The following NACC2 variants were observed in gnomAD, a reference collection of about 807,000 sequenced individuals.
NACC2 encodes the protein NACC family member 2.
Under a neutral mutation model 25.1 loss-of-function variants are expected in NACC2, and 8 were observed. The ratio of observed to expected loss-of-function variants is 0.32; its 90% CI spans 0.19 to 0.57. The LOEUF (loss-of-function observed/expected upper bound fraction) is 0.57, where lower values mean the gene tolerates loss of function less well. Ranked by LOEUF, NACC2 falls within the 20% of genes least tolerant of loss-of-function variation. NACC2 has a pLI of 0.89. For missense variants in NACC2, 644 were observed against 650.2 expected (o/e 0.99, Z 0.10); for synonymous variants, 435 against 294.7 (o/e 1.48, Z -4.88).
Position 136,050,692 on chromosome 9 carries a change from C to T in NACC2, c.-59-112G>A, listed in dbSNP as rs879360575. 4,881 of 628,182 alleles carry T rather than the reference C, an allele frequency of 7.8e-3. 39 individuals carry two copies. Among genetic ancestry groups the T allele is most frequent in the Non-Finnish European group, 0.011 (3,688 of 349,428 alleles). 38.9% of individuals were successfully genotyped at this position (628,182 alleles called of 1,614,324 possible). A position where few individuals can be genotyped will look rare whatever the true frequency, so the allele number is the denominator to read the frequency against. On this transcript the variant is annotated intron_variant, in intron 1 of 5. Transcript: ENST00000277554. ...CGGGGGCTTACAAAGAGCGAGCCTT[C>T]CGCACGCGCCCTCCCCCGCCCCTCC...
chr9:136,033,240 A>G (rs1840499332), intron 2 of NACC2, among the ~76,000 whole-genome samples: 1 of 152,228 alleles, frequency 6.6e-6, no homozygotes, highest in South Asian at 2.1e-4. Context: ...CTCAGAGTAA[A>G]TCAGTGAGTT....
At chr9:136,023,197 G>A (rs923982715) in intron 2 of NACC2, among the ~76,000 whole-genome samples, 2 of 149,858 alleles carry the variant, frequency 1.3e-5, no homozygotes, top group African/African-American at 2.5e-5. Flanking sequence ...AAAGGGGCTC[G>A]CTGGTCTCTC....
intron 1 of NACC2, among the ~76,000 whole-genome samples, chr9:136,051,310 C>T (rs1325110174): frequency 6.6e-6 from 1 of 152,198 alleles, no homozygotes; most frequent in East Asian, 1.9e-4. Context: ...CCCAAGCCGC[C>T]GCCAGGGCAG....
chr9:136,064,645 G>A (rs563190853), intron 1 of NACC2, among the ~76,000 whole-genome samples: 18 of 152,214 alleles, frequency 1.2e-4, no homozygotes, highest in Admixed American at 7.2e-4. Context: ...AATATGTCCC[G>A]AATTTATCTA....
rs376979711 is a variant in NACC2 at position 136,016,382 on chromosome 9, G to A, written c.934C>T (p.Leu312Phe). The A allele has an allele frequency of 1.2e-6, 2 of 1,611,556 alleles. No individual in the cohort carries two copies. The highest frequency in any genetic ancestry group is 1.3e-5 in the African/African-American group (1 of 74,994). The change falls in exon 3 of 6, where the codon CTC becomes TTC. Residue 312 changes from leucine (L) to phenylalanine (F), a missense_variant. Physicochemically the swap from Leu to Phe is conservative, Grantham distance 22. Transcript: ENST00000277554. ...AGGGCCACGAGGTCGCGGCGGATGA[G>A]GACGCAGGAGCGGCTCTCCAGCGGC... is the stretch of plus-strand genomic sequence containing the variant. ...PVPLESRSCV[L>F]IRRDLVALPA...
rs1004182743 is a variant in NACC2 at position 136,029,918 on chromosome 9, G to A, written c.887-13489C>T. Among the ~76,000 whole-genome samples the A allele has an allele frequency of 1.2e-4, 18 of 152,280 alleles. No individual in the cohort carries two copies. The East Asian group carries it at 2.9e-3, about 25-fold the overall frequency. ...CAAACCTGGCACAGCCTGCTGGGCC[G>A]AACGGGTGGAATGAGCCCAGCAGGC... On this transcript the variant is annotated intron_variant, in intron 2 of 5. Transcript: ENST00000277554.
intron 1 of NACC2, among the ~76,000 whole-genome samples, chr9:136,080,733 C>T (rs1179604459): frequency 3.3e-5 from 5 of 152,190 alleles, no homozygotes; most frequent in Non-Finnish European, 7.4e-5. Flanking sequence ...CTCCTCCTCT[C>T]CAGACACGTG....
At chr9:136,083,416 C>A (rs553261245) in intron 1 of NACC2, among the ~76,000 whole-genome samples, 5 of 152,174 alleles carry the variant, frequency 3.3e-5, no homozygotes, top group Non-Finnish European at 7.4e-5. Context: ...TTGGCCTTCA[C>A]CCCTGTACTA....
intron 2 of NACC2, among the ~76,000 whole-genome samples, chr9:136,036,480 TAC>T (rs1247562464): frequency 2.6e-5 from 4 of 152,104 alleles, no homozygotes; most frequent in African/African-American, 9.7e-5. Context: ...TATATATACA[TAC>T]ACACACACAT....
chr9:136,071,298 A>G (rs182011867), intron 1 of NACC2, among the ~76,000 whole-genome samples: 1 of 151,884 alleles, frequency 6.6e-6, no homozygotes, highest in East Asian at 1.9e-4. Flanking sequence ...TAATCCCAGC[A>G]CTTTGGGAGG....
chr9:136,072,391 C>A (rs1830202298), intron 1 of NACC2, among the ~76,000 whole-genome samples: 1 of 151,948 alleles, frequency 6.6e-6, no homozygotes. Flanking sequence ...AATGAAAATA[C>A]AAAATTAGCC....
Position 136,010,984 on chromosome 9 carries a change from C to G in NACC2, c.*532G>C, listed in dbSNP as rs1840096899. The G allele has an allele frequency of 6.6e-6, 1 of 152,622 alleles. No homozygotes were observed. 9.5% of individuals were successfully genotyped at this position (152,622 alleles called of 1,614,324 possible). ...CACACACCCCACACAGGTGGAAGGC[C>G]CGGTGGGCCTGGCCCCGAGTCTCCG... On this transcript the variant is annotated 3_prime_UTR_variant, in exon 6 of 6. Transcript: ENST00000277554. The surrounding 1 kb of genome is among the most constrained non-coding windows in gnomAD (Gnocchi z 4.9).
chr9:136,064,958 G>T (rs1841062777), intron 1 of NACC2, among the ~76,000 whole-genome samples: 1 of 152,218 alleles, frequency 6.6e-6, no homozygotes, highest in African/African-American at 2.4e-5. Context: ...AATGGGGAAA[G>T]AACAGTCTTT....
chr9:136,022,536 C>T lies in NACC2; in HGVS notation c.887-6107G>A, dbSNP rs58509588. 0.045 allele frequency among the ~76,000 whole-genome samples: 6,885 copies of T among 152,272 alleles called. 337 individuals carry two copies. Among genetic ancestry groups the T allele is most frequent in the African/African-American group, 0.12 (4,923 of 41,522 alleles). On this transcript the variant is annotated intron_variant, in intron 2 of 5. Coordinates refer to ENST00000277554, the MANE Select transcript of NACC2 (RefSeq NM_144653.5). The surrounding 1 kb of genome is among the most constrained non-coding windows in gnomAD (Gnocchi z 4.4). ...GGGAGACCTGCCTTCCCTGCTGTTG[C>T]CCCTTCCACCCAGCTTTGGGGGTGG...
At chr9:136,063,026 A>C (rs1038544284) in intron 1 of NACC2, among the ~76,000 whole-genome samples, 3 of 152,194 alleles carry the variant, frequency 2.0e-5, no homozygotes, top group African/African-American at 4.8e-5. Context: ...CCAAGAGAAG[A>C]AGCCCGACTT....
intron 2 of NACC2, 102 bp downstream of exon 2, chr9:136,049,533 TG>T (rs1429661233): frequency 1.6e-6 from 1 of 630,738 alleles, no homozygotes; most frequent in African/African-American, 1.8e-5. Context: ...GGCTCCCCTG[TG>T]GCCCCGCAGG....
At position 136,084,253 on chromosome 9, in the gene NACC2, G is replaced by C. The variant is rs1293233127; in HGVS notation, c.-60+10936C>G. Among the ~76,000 whole-genome samples, 1 of 152,036 alleles carries C rather than the reference G, an allele frequency of 6.6e-6. No homozygotes were observed. The highest frequency in any genetic ancestry group is 2.4e-5 in the African/African-American group (1 of 41,386). ...GTCAAAGACCTCCACACCCAGACCT[G>C]GTCCTGGGTAGCCAACCCCTCCCCT... On this transcript the variant is annotated intron_variant, in intron 1 of 5. Coordinates refer to ENST00000277554, the MANE Select transcript of NACC2 (RefSeq NM_144653.5). The surrounding 1 kb of genome is among the most constrained non-coding windows in gnomAD (Gnocchi z 5.1).
At chr9:136,040,137 G>T (rs1403648146) in intron 2 of NACC2, among the ~76,000 whole-genome samples, 1 of 151,904 alleles carries the variant, frequency 6.6e-6, no homozygotes, top group Admixed American at 6.6e-5. Flanking sequence ...CAAGGTCAGG[G>T]GATTGAGACC....
At chr9:136,083,364 GGA>G (rs1830343878) in intron 1 of NACC2, among the ~76,000 whole-genome samples, 1 of 152,216 alleles carries the variant, frequency 6.6e-6, no homozygotes, top group African/African-American at 2.4e-5. Context: ...GGGTTGGGGG[GGA>G]GGCAGCCACA....
Sources: allele counts gnomAD v4.1 joint callset (sites outside exome capture counted in the v4.1 genomes callset), GRCh38; gene constraint gnomAD v4.1.1; non-coding constraint Gnocchi (gnomAD v3.1); transcripts MANE v1.5; gene names NCBI Gene and HGNC (gene_info 2026-07-23, HGNC 2026-07-21).